The following MC2R variants were observed in gnomAD, a reference collection of about 807,000 sequenced individuals.
MC2R encodes adrenocorticotropic hormone receptor.
In MC2R, 9 loss-of-function variants were observed where a neutral mutation model predicts 9.8. The observed-to-expected ratio is 0.92, with a 90% CI of 0.55 to 1.60. The LOEUF is 1.60. Among genes scored for constraint, MC2R ranks in the 40% most tolerant of loss-of-function variants. The pLI is 0.00. For missense variants in MC2R, 370 were observed against 389.0 expected, an observed-to-expected ratio of 0.95 and a Z score of 0.41; for synonymous variants, 185 against 154.7, an observed-to-expected ratio of 1.20 and a Z score of -1.45.
intron 1 of MC2R, among the ~76,000 whole-genome samples, chr18:13,913,354 C>T (rs139889482): frequency 1.0e-3 from 152 of 152,306 alleles, no homozygotes; most frequent in African/African-American, 3.4e-3. Context: ...TTCCCTGCCA[C>T]GGCTGTGCTG....
intron 1 of MC2R, among the ~76,000 whole-genome samples, chr18:13,899,029 A>G (rs1309697565): frequency 6.6e-6 from 1 of 152,224 alleles, no homozygotes; most frequent in Non-Finnish European, 1.5e-5. Context: ...TAAATAAGGC[A>G]CCAATTCTGG....
chr18:13,896,840 A>G (rs1201288561), intron 1 of MC2R, among the ~76,000 whole-genome samples: 12 of 152,348 alleles, frequency 7.9e-5, no homozygotes, highest in Admixed American at 6.5e-4. Flanking sequence ...TAAAAACAAC[A>G]TAATAAACTG....
At chr18:13,905,868 C>T (rs1306485078) in intron 1 of MC2R, among the ~76,000 whole-genome samples, 1 of 152,078 alleles carries the variant, frequency 6.6e-6, no homozygotes. Flanking sequence ...CCATCCTGGC[C>T]AACATGGTGA....
chr18:13,915,234 G>A (rs1241285460), intron 1 of MC2R, among the ~76,000 whole-genome samples: 1 of 152,148 alleles, frequency 6.6e-6, no homozygotes, highest in East Asian at 1.9e-4. Context: ...ACAATTTGAA[G>A]AGTACTAGAG....
At chr18:13,897,219 C>G (rs987535772) in intron 1 of MC2R, among the ~76,000 whole-genome samples, 2 of 152,136 alleles carry the variant, frequency 1.3e-5, no homozygotes, top group Admixed American at 6.5e-5. Flanking sequence ...AGGGAGAGCA[C>G]AGCAATTGTG....
At chr18:13,911,146 T>C (rs1403304854) in intron 1 of MC2R, among the ~76,000 whole-genome samples, 1 of 152,018 alleles carries the variant, frequency 6.6e-6, no homozygotes, top group Non-Finnish European at 1.5e-5. Flanking sequence ...AGGAGGCCAG[T>C]AACAGTAGCA....
chr18:13,899,656 T>C (rs8096032), intron 1 of MC2R, among the ~76,000 whole-genome samples: 73,950 of 151,914 alleles, frequency 0.49, 18,435 homozygotes, highest in Middle Eastern at 0.61. Flanking sequence ...TACACCTGGC[T>C]CAAACTTTTC....
intron 1 of MC2R, among the ~76,000 whole-genome samples, chr18:13,909,854 G>A (rs76085825): frequency 0.025 from 3,882 of 152,250 alleles, 124 homozygotes; most frequent in African/African-American, 0.09. Context: ...ATTTCTTCCA[G>A]TGCAGAATGG....
At chr18:13,889,934 G>A (rs2045305717) in intron 1 of MC2R, among the ~76,000 whole-genome samples, 1 of 152,108 alleles carries the variant, frequency 6.6e-6, no homozygotes, top group African/African-American at 2.4e-5. Flanking sequence ...AGTCCCACAG[G>A]CTTTGTGTTG....
chr18:13,884,804 C>T lies in MC2R; in HGVS notation c.715G>A (p.Val239Ile), dbSNP rs146976229. The T allele has an allele frequency of 4.9e-4, 785 of 1,613,966 alleles. 4 individuals carry two copies. In the African/African-American group the frequency reaches 9.4e-3, roughly 19 times the overall value. The change falls in exon 2 of 2, where the codon GTC becomes ATC. Residue 239 changes from valine (V) to isoleucine (I), a missense_variant. Val to Ile is a conservative substitution (Grantham distance 29). Coordinates refer to ENST00000327606, the MANE Select transcript of MC2R (RefSeq NM_000529.2). Reference protein sequence around the residue: ...IFCWAPFVLHVLLMTFCPSNP... With the variant: ...IFCWAPFVLHILLMTFCPSNP... ...CTTGGGCAGAATGTCATCAAGAGGA[C>T]ATGAAGCACAAAGGGGGCCCAGCAG...
chr18:13,900,482 C>A (rs750765268), intron 1 of MC2R, among the ~76,000 whole-genome samples: 1 of 152,006 alleles, frequency 6.6e-6, no homozygotes, highest in Non-Finnish European at 1.5e-5. Context: ...AAAAACATGA[C>A]CCATTGATCT....
chr18:13,886,639 A>G (rs1234072856), intron 1 of MC2R, among the ~76,000 whole-genome samples: 2 of 152,174 alleles, frequency 1.3e-5, no homozygotes, highest in Non-Finnish European at 2.9e-5. Flanking sequence ...TGACTATACA[A>G]TGAGCGTCAG....
chr18:13,886,255 A>G (rs573707622), intron 1 of MC2R, among the ~76,000 whole-genome samples: 6 of 152,220 alleles, frequency 3.9e-5, no homozygotes, highest in Non-Finnish European at 8.8e-5. Context: ...TAGGTAAAAT[A>G]ATATACTGGG....
rs1598457411 is a variant in MC2R at position 13,882,087 on chromosome 18, G to A, written c.*2538C>T. The stretch of plus-strand genomic sequence containing the variant: ...TAGACAGGGCTCAGAATTACTATCA[G>A]CTTGAGTACACATCCTGAACATTTT... On this transcript the variant is annotated 3_prime_UTR_variant, in exon 2 of 2. Transcript: ENST00000327606. The A allele has an allele frequency of 6.6e-6, 1 of 152,364 alleles. No homozygotes were observed. The highest frequency in any genetic ancestry group is 1.9e-4 in the East Asian group (1 of 5,192). The allele number at this position is 152,364 out of a possible 1,614,324, so 9.4% of individuals were successfully genotyped here.
At chr18:13,890,636 A>T (rs145166987) in intron 1 of MC2R, among the ~76,000 whole-genome samples, 2,514 of 152,152 alleles carry the variant, frequency 0.017, 26 homozygotes, top group Non-Finnish European at 0.026. Flanking sequence ...TGTTTTCACT[A>T]GATGCATTTA....
chr18:13,914,515 G>A (rs1026606449), intron 1 of MC2R, among the ~76,000 whole-genome samples: 9 of 152,196 alleles, frequency 5.9e-5, no homozygotes, highest in African/African-American at 2.2e-4. Flanking sequence ...CATGTGAGGA[G>A]CACTCCTCCT....
At chr18:13,914,635 C>G (rs776303281) in intron 1 of MC2R, among the ~76,000 whole-genome samples, 2 of 151,978 alleles carry the variant, frequency 1.3e-5, no homozygotes, top group Non-Finnish European at 2.9e-5. Context: ...CAAGTGTGCA[C>G]GTGTATGTGT....
intron 1 of MC2R, among the ~76,000 whole-genome samples, chr18:13,911,084 A>C (rs1051012147): frequency 2.6e-5 from 4 of 152,224 alleles, no homozygotes; most frequent in Non-Finnish European, 2.9e-5. Flanking sequence ...CAGTTGCCTT[A>C]GGTGAGAGTG....
Position 13,884,479 on chromosome 18 carries a change from A to G in MC2R, c.*146T>C. On this transcript the variant is annotated 3_prime_UTR_variant, in exon 2 of 2. Coordinates refer to ENST00000327606, the MANE Select transcript of MC2R (RefSeq NM_000529.2). ...AAGACTGTTCACATAGAACCTAGCTATTAGAAACACTAGCTGGTGGGATCA... is the reference window on the plus strand; with the variant it reads ...AAGACTGTTCACATAGAACCTAGCTGTTAGAAACACTAGCTGGTGGGATCA... 2 of 869,478 alleles carry G rather than the reference A, an allele frequency of 2.3e-6. No homozygotes were observed. The highest frequency in any genetic ancestry group is 1.4e-5 in the South Asian group (1 of 71,326). The allele number at this position is 869,478 out of a possible 1,614,324, so 53.9% of individuals were successfully genotyped here. A position where few individuals can be genotyped will look rare whatever the true frequency, so the allele number is the denominator to read the frequency against.
Sources: gnomAD v4.1 joint callset for allele counts (sites outside exome capture counted in the v4.1 genomes callset) on GRCh38, gnomAD v4.1.1 for gene constraint, MANE v1.5 for transcripts, NCBI Gene and HGNC (gene_info 2026-07-23, HGNC 2026-07-21) for gene names.